The following DHRS9 variants were observed in gnomAD, a reference collection of about 807,000 sequenced individuals.
DHRS9 encodes the protein dehydrogenase/reductase SDR family member 9.
Under a neutral mutation model 26.6 loss-of-function variants are expected in DHRS9, and 18 were observed. The observed-to-expected ratio is 0.68, with a 90% CI of 0.47 to 1.00. The LOEUF is 1.00. DHRS9 is among the 50% of genes least tolerant of loss of function. The pLI, the probability that DHRS9 is intolerant of heterozygous loss-of-function variation, is 0.00. For synonymous variants in DHRS9, 134 were observed against 141.1 expected (o/e 0.95, Z 0.36); for missense variants, 425 against 378.7 (o/e 1.12, Z -1.01).
intron 3 of DHRS9, among the ~76,000 whole-genome samples, chr2:169,090,430 A>T (rs573971669): frequency 1.3e-5 from 2 of 152,348 alleles, no homozygotes; most frequent in South Asian, 2.1e-4. Flanking sequence ...AAACAAAAGT[A>T]AGTTGGGAAA....
At chr2:169,079,963 G>C (rs1574026382) in intron 1 of DHRS9, among the ~76,000 whole-genome samples, 4 of 102,462 alleles carry the variant, frequency 3.9e-5, no homozygotes, top group Admixed American at 2.0e-4. Flanking sequence ...GAGAGAGAGA[G>C]AGAGAGAGAG....
At chr2:169,083,660 C>A (rs1211782892) in intron 3 of DHRS9, 73 bp downstream of exon 3, 7 of 1,529,676 alleles carry the variant, frequency 4.6e-6, no homozygotes, top group Non-Finnish European at 6.2e-6. Flanking sequence ...TACAAGACAT[C>A]CTATTTAGTA....
chr2:169,068,896 C>T (rs1306556744), upstream of DHRS9, among the ~76,000 whole-genome samples: 1 of 152,134 alleles, frequency 6.6e-6, no homozygotes, highest in Non-Finnish European at 1.5e-5. Context: ...TCCTCGCCTG[C>T]GGCCTCAGTA....
At chr2:169,094,232 T>C (rs73026883) in intron 4 of DHRS9, among the ~76,000 whole-genome samples, 3,028 of 152,280 alleles carry the variant, frequency 0.02, 108 homozygotes, top group African/African-American at 0.07. Context: ...TGTATCTTCT[T>C]TTGAGAAAAG....
intron 1 of DHRS9, chr2:169,070,721 G>A (rs527257367): frequency 1.0e-6 from 1 of 985,094 alleles, no homozygotes; most frequent in Non-Finnish European, 1.2e-6. Context: ...ATGGGAACTG[G>A]TGTTAAAACT....
chr2:169,079,744 C>G (rs1215077790), intron 1 of DHRS9, among the ~76,000 whole-genome samples: 1 of 151,174 alleles, frequency 6.6e-6, no homozygotes. Flanking sequence ...GCTTGTAATC[C>G]CAGCTACTCA....
At chr2:169,091,324 G>A (rs1292122059) in intron 3 of DHRS9, among the ~76,000 whole-genome samples, 2 of 152,060 alleles carry the variant, frequency 1.3e-5, no homozygotes, top group Non-Finnish European at 2.9e-5. Context: ...ATAGGGAGCA[G>A]GTTAGTCACA....
intron 3 of DHRS9, among the ~76,000 whole-genome samples, chr2:169,086,349 G>C (rs60212568): frequency 0.021 from 3,243 of 151,946 alleles, 92 homozygotes; most frequent in African/African-American, 0.074. Context: ...TATTTGTCTC[G>C]TTGTCAAATT....
At chr2:169,076,968 T>A (rs1683981487) in intron 1 of DHRS9, among the ~76,000 whole-genome samples, 1 of 152,182 alleles carries the variant, frequency 6.6e-6, no homozygotes, top group Non-Finnish European at 1.5e-5. Flanking sequence ...ACCCTTACCA[T>A]CTTCATGTTG....
chr2:169,085,184 A>C (rs141479796), intron 3 of DHRS9, among the ~76,000 whole-genome samples: 1 of 152,084 alleles, frequency 6.6e-6, no homozygotes, highest in Non-Finnish European at 1.5e-5. Flanking sequence ...GTCCTGTTCC[A>C]TTGGTCTATG....
chr2:169,080,005 GAA>G, intron 1 of DHRS9, among the ~76,000 whole-genome samples: 1 of 102,426 alleles, frequency 9.8e-6, no homozygotes, highest in Non-Finnish European at 2.0e-5. Context: ...AAGAAAGAAA[GAA>G]AGAAAGAAAG....
At chr2:169,079,897 G>GA (rs1491482165) in intron 1 of DHRS9, among the ~76,000 whole-genome samples, 1 of 73,544 alleles carries the variant, frequency 1.4e-5, no homozygotes. Flanking sequence ...GAGAGAGAGA[G>GA]GGAGGGAGGG....
At chr2:169,075,579 C>T (rs1420396464) in intron 1 of DHRS9, among the ~76,000 whole-genome samples, 2 of 151,378 alleles carry the variant, frequency 1.3e-5, no homozygotes, top group African/African-American at 4.9e-5. Context: ...ACTTGCTGGC[C>T]TAATAATGTT....
At chr2:169,094,541 A>G (rs1684633886) in intron 4 of DHRS9, among the ~76,000 whole-genome samples, 1 of 148,402 alleles carries the variant, frequency 6.7e-6, no homozygotes, top group Non-Finnish European at 1.5e-5. Context: ...GTTTTCTTCT[A>G]GTAGTTTTTT....
At chr2:169,084,125 A>T (rs190167899) in intron 3 of DHRS9, among the ~76,000 whole-genome samples, 67 of 152,294 alleles carry the variant, frequency 4.4e-4, no homozygotes, top group Admixed American at 2.4e-3. Flanking sequence ...TTTACTTAAC[A>T]TAATGACCAC....
chr2:169,095,787 C>G lies in DHRS9; in HGVS notation c.*20C>G. 1 of 1,605,468 alleles carries G rather than the reference C, an allele frequency of 6.2e-7. No homozygotes were observed. Among genetic ancestry groups the G allele is most frequent in the South Asian group, 1.1e-5 (1 of 90,844 alleles). On this transcript the variant is annotated 3_prime_UTR_variant, in exon 5 of 5. Coordinates refer to ENST00000674881, the MANE Select transcript of DHRS9 (RefSeq NM_001376924.1). ...GTGTGACTCAGCTAACCACAAATGT[C>G]TCCTCCAGGCTATGAAATTGGCCGA...
Position 169,069,571 on chromosome 2 carries a change from C to G in DHRS9, c.-206C>G. The G allele has an allele frequency of 1.0e-6, 1 of 985,424 alleles. No homozygotes were observed. Among genetic ancestry groups the G allele is most frequent in the Non-Finnish European group, 1.2e-6 (1 of 829,938 alleles). 61.0% of individuals were successfully genotyped at this position (985,424 alleles called of 1,614,324 possible). The stretch of plus-strand genomic sequence containing the variant: ...TTCCTCACACATGTAGTACTCAGAG[C>G]TCTACGGAAACCCAGGCACCTCGAC... On this transcript the variant is annotated 5_prime_UTR_variant, in exon 1 of 5. Transcript: ENST00000674881.
At position 169,069,697 on chromosome 2, in the gene DHRS9, TC is replaced by T; in HGVS notation, c.-77del. On this transcript the variant is annotated 5_prime_UTR_variant, in exon 1 of 5. Transcript: ENST00000674881. ...AGCAAGTCCACCAACAGTTTCTGTGTCCCACTTCATCTTTAATAAGGTAACT... is the reference window on the plus strand; with the variant it reads ...AGCAAGTCCACCAACAGTTTCTGTGTCCACTTCATCTTTAATAAGGTAACT... The T allele has an allele frequency of 6.1e-6, 6 of 985,502 alleles. No homozygotes were observed. Among genetic ancestry groups the T allele is most frequent in the Non-Finnish European group, 7.2e-6 (6 of 829,946 alleles). 61.0% of individuals were successfully genotyped at this position (985,502 alleles called of 1,614,324 possible).
chr2:169,079,865 G>T (rs1684091644), intron 1 of DHRS9, among the ~76,000 whole-genome samples: 1 of 67,708 alleles, frequency 1.5e-5, no homozygotes, highest in South Asian at 5.4e-4. Context: ...CCATCTGAAA[G>T]AAAGAAAGAA....
Sources: allele counts gnomAD v4.1 joint callset (sites outside exome capture counted in the v4.1 genomes callset), GRCh38; gene constraint gnomAD v4.1.1; transcripts MANE v1.5; gene names NCBI Gene and HGNC (gene_info 2026-07-23, HGNC 2026-07-21).